Variants in DLC1 observed in about 807,000 individuals in gnomAD.
The protein encoded by DLC1 is DLC1 Rho GTPase activating protein.
In DLC1, 54 loss-of-function variants were observed where a neutral mutation model predicts 140.3. The observed-to-expected ratio is 0.38, with a 90% CI of 0.31 to 0.48. The LOEUF (loss-of-function observed/expected upper bound fraction) is 0.48, where lower values mean the gene tolerates loss of function less well. Among genes scored for constraint, DLC1 ranks in the 20% least tolerant of loss-of-function variants. The probability of loss-of-function intolerance (pLI) is 0.96; values close to 1 mark genes in which losing one functional copy is unlikely to be tolerated. For missense variants in DLC1, 2,536 were observed against 1,907.0 expected (o/e 1.33, Z -6.14); for synonymous variants, 986 against 728.1 (o/e 1.35, Z -5.70).
chr8:13,302,303 T>C (rs75241254), intron 5 of DLC1, among the ~76,000 whole-genome samples: 7,782 of 152,314 alleles, frequency 0.051, 251 homozygotes, highest in South Asian at 0.12. Context: ...TGTTCATAAC[T>C]GCTTCCTCAG....
intron 5 of DLC1, among the ~76,000 whole-genome samples, chr8:13,165,004 G>A (rs1209616010): frequency 2.6e-5 from 4 of 152,166 alleles, no homozygotes; most frequent in Non-Finnish European, 4.4e-5. Context: ...ATTGTCATCT[G>A]AATATGGTAA....
chr8:13,580,621 A>G (rs1391929522), intron 1 of DLC1, among the ~76,000 whole-genome samples: 1 of 152,220 alleles, frequency 6.6e-6, no homozygotes, highest in Admixed American at 6.5e-5. Context: ...AATATAGCTG[A>G]GATGACAAAA....
chr8:13,545,296 TTATAC>T (rs1311239000), intron 1 of DLC1, among the ~76,000 whole-genome samples: 1 of 150,458 alleles, frequency 6.6e-6, no homozygotes, highest in Non-Finnish European at 1.5e-5. Flanking sequence ...TGTAAAGATC[TTATAC>T]TATATATATA....
At chr8:13,150,565 T>C (rs1368835248) in intron 5 of DLC1, among the ~76,000 whole-genome samples, 1 of 152,196 alleles carries the variant, frequency 6.6e-6, no homozygotes, top group Non-Finnish European at 1.5e-5. Context: ...TGCGATGGCT[T>C]TAATATCCTC....
chr8:13,508,294 C>T (rs1207874554), intron 1 of DLC1, among the ~76,000 whole-genome samples: 1 of 152,178 alleles, frequency 6.6e-6, no homozygotes, highest in Non-Finnish European at 1.5e-5. Context: ...TTTGAGGAAA[C>T]TGGGAATATT....
rs895030384 is a variant in DLC1 at position 13,566,901 on chromosome 8, A to G, written c.-126+37636T>C. On this transcript the variant is annotated intron_variant, in intron 1 of 1. Transcript: ENST00000631382. ...CCTCCGCAGAGCTGATGGCATTGAG[A>G]TCCATTCCCGGAGGGGTCAGCTCCT... 2.1e-6 allele frequency: 3 copies of G among 1,428,852 alleles called. No individual in the cohort carries two copies. The African/African-American group carries it at 4.3e-5, about 21-fold the overall frequency. 88.5% of individuals were successfully genotyped at this position (1,428,852 alleles called of 1,614,324 possible). A position where few individuals can be genotyped will look rare whatever the true frequency, so the allele number is the denominator to read the frequency against.
intron 4 of DLC1, chr8:13,353,366 C>T (rs975157019): frequency 1.7e-4 from 26 of 152,128 alleles, no homozygotes; most frequent in African/African-American, 5.8e-4. Context: ...TAAAAGACTT[C>T]ACTGTTTGTG....
At chr8:13,408,669 T>G (rs550967787) in intron 2 of DLC1, among the ~76,000 whole-genome samples, 21 of 152,312 alleles carry the variant, frequency 1.4e-4, no homozygotes, top group Middle Eastern at 3.4e-3. Context: ...TTTTAAGTGC[T>G]AAAATTAAAG....
chr8:13,368,932 C>T (rs977246606), intron 4 of DLC1, among the ~76,000 whole-genome samples: 6 of 151,990 alleles, frequency 3.9e-5, no homozygotes, highest in African/African-American at 1.2e-4. Flanking sequence ...CAAGCAATTC[C>T]CCTGCCTCAG....
chr8:13,411,881 A>G (rs1428627780), intron 2 of DLC1, among the ~76,000 whole-genome samples: 1 of 152,178 alleles, frequency 6.6e-6, no homozygotes, highest in Non-Finnish European at 1.5e-5. Flanking sequence ...TGTTTTAGGT[A>G]AATCCCAGAG....
chr8:13,214,807 G>A (rs1287252284), intron 5 of DLC1: 1 of 777,844 alleles, frequency 1.3e-6, no homozygotes. Context: ...AAAAGGAGAG[G>A]AGAAAATGAT....
intron 5 of DLC1, among the ~76,000 whole-genome samples, chr8:13,224,974 C>T (rs1346736101): frequency 1.3e-5 from 2 of 152,172 alleles, no homozygotes; most frequent in East Asian, 3.9e-4. Context: ...GGGGCTCAGT[C>T]ATTTTTTTCT....
rs757980928 is a variant in DLC1 at position 13,429,951 on chromosome 8, T to A, written c.1024-28332A>T. ...TATCATATTTAAATGCTATCTGATA[T>A]TTGCGTGTGCATATAGGTGGTTCTT... On this transcript the variant is annotated intron_variant, in intron 2 of 17. Coordinates refer to ENST00000276297, the MANE Select transcript of DLC1 (RefSeq NM_182643.3). Among the ~76,000 whole-genome samples the A allele has an allele frequency of 3.0e-4, 46 of 152,224 alleles. 1 individual carries two copies. The highest frequency in any genetic ancestry group is 8.3e-4 in the South Asian group (4 of 4,830).
chr8:13,217,221 G>A, intron 5 of DLC1, among the ~76,000 whole-genome samples: 1 of 152,264 alleles, frequency 6.6e-6, no homozygotes, highest in African/African-American at 2.4e-5. Context: ...GTCTATGCCA[G>A]TGTTATCCAA....
At chr8:13,188,186 T>C (rs950962253) in intron 5 of DLC1, among the ~76,000 whole-genome samples, 1 of 148,842 alleles carries the variant, frequency 6.7e-6, no homozygotes, top group African/African-American at 2.5e-5. Flanking sequence ...TGTGTTCAAG[T>C]GATTCCTGCC....
At chr8:13,384,552 C>T (rs167042) in intron 4 of DLC1, among the ~76,000 whole-genome samples, 141,185 of 152,160 alleles carry the variant, frequency 0.93, 65,583 homozygotes, top group East Asian at 0.98. Context: ...CAATTCTAAA[C>T]GTTCATCTTC....
upstream of DLC1, among the ~76,000 whole-genome samples, chr8:13,519,853 C>A (rs1802710313): frequency 1.3e-5 from 2 of 152,108 alleles, no homozygotes; most frequent in African/African-American, 4.8e-5. Flanking sequence ...GTTTATGTAG[C>A]AACAGACATA....
At chr8:13,597,102 T>C (rs566422659) in intron 1 of DLC1, among the ~76,000 whole-genome samples, 3 of 152,092 alleles carry the variant, frequency 2.0e-5, no homozygotes, top group East Asian at 3.9e-4. Context: ...ACTTGGACTT[T>C]GACTGGCCAT....
intron 5 of DLC1, among the ~76,000 whole-genome samples, chr8:13,225,418 A>T (rs1828748888): frequency 6.6e-6 from 1 of 152,072 alleles, no homozygotes; most frequent in Non-Finnish European, 1.5e-5. Flanking sequence ...CAAATATCTC[A>T]TTCACCCCCT....
Sources: gnomAD v4.1 joint callset for allele counts (sites outside exome capture counted in the v4.1 genomes callset) on GRCh38, gnomAD v4.1.1 for gene constraint, MANE v1.5 for transcripts, NCBI Gene and HGNC (gene_info 2026-07-23, HGNC 2026-07-21) for gene names.